The following ARHGAP28 variants were observed in gnomAD, a reference collection of about 807,000 sequenced individuals.
The protein encoded by ARHGAP28 is rho GTPase-activating protein 28.
ARHGAP28 carries 56 observed loss-of-function variants against 90.7 expected under a neutral mutation model. That is an observed-to-expected ratio of 0.62 (90% CI 0.50 to 0.77). The LOEUF (loss-of-function observed/expected upper bound fraction) is 0.77. Among genes scored for constraint, ARHGAP28 ranks in the 30% least tolerant of loss-of-function variants. The pLI, the probability that ARHGAP28 is intolerant of heterozygous loss-of-function variation, is 0.00. For synonymous variants in ARHGAP28, 308 were observed against 323.3 expected, an observed-to-expected ratio of 0.95 and a Z score of 0.51; for missense variants, 869 against 900.9, an observed-to-expected ratio of 0.96 and a Z score of 0.45.
intron 1 of ARHGAP28, among the ~76,000 whole-genome samples, chr18:6,765,020 C>A (rs959424005): frequency 2.6e-5 from 4 of 152,138 alleles, no homozygotes; most frequent in Non-Finnish European, 5.9e-5. Context: ...AGCAGTCAGA[C>A]ACAAGATGTT....
At chr18:6,758,448 C>T (rs144416673) in intron 1 of ARHGAP28, among the ~76,000 whole-genome samples, 228 of 152,208 alleles carry the variant, frequency 1.5e-3, no homozygotes, top group African/African-American at 5.2e-3. Context: ...TGCAGCCTCC[C>T]GAGTAGCTGG....
Position 6,803,420 on chromosome 18 carries a change from G to A in ARHGAP28, c.123-21342G>A, listed in dbSNP as rs186236496. Among the ~76,000 whole-genome samples the A allele has an allele frequency of 3.3e-4, 50 of 152,092 alleles. 1 individual carries two copies. Among genetic ancestry groups the A allele is most frequent in the Admixed American group, 2.4e-3 (36 of 15,280 alleles). On this transcript the variant is annotated intron_variant, in intron 1 of 17. Coordinates refer to ENST00000383472, the MANE Select transcript of ARHGAP28 (RefSeq NM_001366230.1). ...CAAACGTTAAATCATCCTTGTAGTC[G>A]CAGGATGAACTCCATTTGGTTATGA...
chr18:6,871,022 G>T (rs535782642), intron 7 of ARHGAP28, among the ~76,000 whole-genome samples: 2 of 152,200 alleles, frequency 1.3e-5, no homozygotes, highest in African/African-American at 4.8e-5. Flanking sequence ...GGATGGTCTC[G>T]ATCTCCTGAC....
At chr18:6,875,853 T>C (rs2057126952) in intron 9 of ARHGAP28, among the ~76,000 whole-genome samples, 1 of 152,180 alleles carries the variant, frequency 6.6e-6, no homozygotes, top group South Asian at 2.1e-4. Context: ...TGTATAATTT[T>C]AGAGTGGTTA....
At chr18:6,758,795 T>G (rs992192219) in intron 1 of ARHGAP28, among the ~76,000 whole-genome samples, 1 of 152,208 alleles carries the variant, frequency 6.6e-6, no homozygotes, top group Non-Finnish European at 1.5e-5. Flanking sequence ...ATTCACTTAT[T>G]ATCTCAGATA....
intron 2 of ARHGAP28, among the ~76,000 whole-genome samples, chr18:6,835,512 G>T (rs1050526783): frequency 3.9e-5 from 6 of 152,040 alleles, no homozygotes; most frequent in African/African-American, 1.4e-4. Flanking sequence ...CACATCAAAG[G>T]CTTTGTTTAT....
chr18:6,875,259 G>A (rs907291200), intron 9 of ARHGAP28, among the ~76,000 whole-genome samples: 4 of 152,128 alleles, frequency 2.6e-5, no homozygotes, highest in South Asian at 4.2e-4. Context: ...AGTGTTCCTC[G>A]CTACGACACC....
intron 1 of ARHGAP28, among the ~76,000 whole-genome samples, chr18:6,735,594 A>G (rs1262341108): frequency 1.3e-5 from 2 of 148,358 alleles, no homozygotes; most frequent in African/African-American, 2.5e-5. Flanking sequence ...TTGCACTGTC[A>G]TCCAGGCTGG....
Position 6,870,718 on chromosome 18 carries a change from G to T in ARHGAP28, c.940G>T (p.Asp314Tyr). ...KLKKSEIKKE[D>Y]YVLTKFNVQK... ...TAAGAAATCAGAGATTAAGAAAGAA[G>T]ACTATGTTTTAACTGTAAGCAAAAC... The change falls in exon 7 of 18, where the codon GAC (aspartate) becomes TAC (tyrosine). Residue 314 changes from aspartate (D) to tyrosine (Y), a missense_variant. Coordinates refer to ENST00000383472, the MANE Select transcript of ARHGAP28 (RefSeq NM_001366230.1). 2 of 1,607,500 alleles carry T rather than the reference G, an allele frequency of 1.2e-6. No individual in the cohort carries two copies. The highest frequency in any genetic ancestry group is 1.7e-6 in the Non-Finnish European group (2 of 1,178,296).
Position 6,784,169 on chromosome 18 carries a change from C to A in ARHGAP28, c.123-40593C>A, listed in dbSNP as rs74508228. On this transcript the variant is annotated intron_variant, in intron 1 of 17. Transcript: ENST00000383472. ...AAATCCATGCAGTTGGAGATCCCTT[C>A]AGCATAGGTCTCTGGGCTGGCTTGC... Among the ~76,000 whole-genome samples, 1,027 of 152,272 alleles carry A rather than the reference C, an allele frequency of 6.7e-3. 11 individuals carry two copies. The highest frequency in any genetic ancestry group is 0.024 in the African/African-American group (984 of 41,548).
chr18:6,850,945 T>G, intron 3 of ARHGAP28, 89 bp from the exon 4 acceptor site: 3 of 1,563,358 alleles, frequency 1.9e-6, no homozygotes, highest in Non-Finnish European at 2.6e-6. Flanking sequence ...TACATATATA[T>G]AAAAACTCTA....
chr18:6,796,957 G>T (rs2056446063), intron 1 of ARHGAP28, among the ~76,000 whole-genome samples: 1 of 152,184 alleles, frequency 6.6e-6, no homozygotes, highest in South Asian at 2.1e-4. Context: ...AGGTGAAGGG[G>T]TCTGTAAACT....
chr18:6,776,910 G>A (rs144366606), intron 1 of ARHGAP28, among the ~76,000 whole-genome samples: 11 of 152,272 alleles, frequency 7.2e-5, no homozygotes, highest in Non-Finnish European at 1.5e-4. Flanking sequence ...TAGCATATAC[G>A]ATTGGAGGGG....
intron 1 of ARHGAP28, among the ~76,000 whole-genome samples, chr18:6,812,494 C>T (rs923121791): frequency 5.9e-5 from 9 of 152,080 alleles, no homozygotes; most frequent in South Asian, 2.1e-4. Context: ...GGAAAATGAG[C>T]GGACAGGAAG....
intron 1 of ARHGAP28, among the ~76,000 whole-genome samples, chr18:6,807,644 C>G (rs1014350415): frequency 1.3e-5 from 2 of 152,186 alleles, no homozygotes; most frequent in Non-Finnish European, 2.9e-5. Context: ...TCCTGACCCT[C>G]GGTGATTACT....
chr18:6,853,801 A>T (rs532882092), intron 4 of ARHGAP28, among the ~76,000 whole-genome samples: 3 of 152,216 alleles, frequency 2.0e-5, no homozygotes, highest in East Asian at 3.9e-4. Context: ...AAATCTACCC[A>T]TGACCTGGAA....
rs150282365 is a variant in ARHGAP28, at chr18:6,761,228, T to C, written c.122+31285T>C. Among the ~76,000 whole-genome samples the C allele has an allele frequency of 2.5e-3, 380 of 152,252 alleles. 3 individuals are homozygous for C. Among genetic ancestry groups the C allele is most frequent in the African/African-American group, 8.4e-3 (351 of 41,566 alleles). On this transcript the variant is annotated intron_variant, in intron 1 of 17. Coordinates refer to ENST00000383472, the MANE Select transcript of ARHGAP28 (RefSeq NM_001366230.1). The stretch of plus-strand genomic sequence containing the variant: ...GGGGCGAGCTCCTGAGTTACTCTTC[T>C]TTTCTTGATTTCAGTGACATTTCAT...
intron 1 of ARHGAP28, among the ~76,000 whole-genome samples, chr18:6,807,872 G>A (rs1199865668): frequency 6.6e-6 from 1 of 152,124 alleles, no homozygotes; most frequent in African/African-American, 2.4e-5. Context: ...AGACCCTCAG[G>A]CTCAGCTGGG....
In ARHGAP28 at chr18:6,908,949, A is replaced by AT. The variant is rs779874499; in HGVS notation, c.2031-4dup. On this transcript the variant is annotated splice_polypyrimidine_tract_variant and intron_variant, in intron 16 of 17. Coordinates refer to ENST00000383472, the MANE Select transcript of ARHGAP28 (RefSeq NM_001366230.1). ...AGTACTAAAATTATATTATTTTCTC[A>AT]TTTTTTTCAGTCATGGTTCATCAGA... 27 of 1,479,990 alleles carry AT rather than the reference A, an allele frequency of 1.8e-5. No homozygotes were observed. In the Admixed American group the frequency reaches 3.0e-4, roughly 16 times the overall value. 91.7% of individuals were successfully genotyped at this position (1,479,990 alleles called of 1,614,324 possible).
Sources: allele counts gnomAD v4.1 joint callset (sites outside exome capture counted in the v4.1 genomes callset), GRCh38; gene constraint gnomAD v4.1.1; transcripts MANE v1.5; gene names NCBI Gene and HGNC (gene_info 2026-07-23, HGNC 2026-07-21).